ENTHD1: variants seen among roughly 807,000 people sequenced by gnomAD.
ENTHD1 encodes ENTH domain-containing protein 1.
ENTHD1 carries 23 observed loss-of-function variants against 39.1 expected under a neutral mutation model. The ratio of observed to expected loss-of-function variants is 0.59; its 90% CI spans 0.42 to 0.83. The LOEUF (loss-of-function observed/expected upper bound fraction) is 0.83, where lower values mean the gene tolerates loss of function less well. Ranked by LOEUF, ENTHD1 falls within the 40% of genes least tolerant of loss-of-function variation. The pLI is 0.00. For synonymous variants in ENTHD1, 230 were observed against 258.2 expected, an observed-to-expected ratio of 0.89 and a Z score of 1.05; for missense variants, 624 against 705.4, an observed-to-expected ratio of 0.88 and a Z score of 1.31.
chr22:39,799,549 C>T (rs1466651196), intron 5 of ENTHD1, among the ~76,000 whole-genome samples: 2 of 152,174 alleles, frequency 1.3e-5, no homozygotes, highest in Non-Finnish European at 2.9e-5. Context: ...GTCCTGCACG[C>T]AGGTTTTCCA....
chr22:39,889,993 G>A (rs1206784649), intron 1 of ENTHD1, among the ~76,000 whole-genome samples: 1 of 151,970 alleles, frequency 6.6e-6, no homozygotes, highest in Non-Finnish European at 1.5e-5. Context: ...AGCTACTTGG[G>A]AGACTGAGGC....
chr22:39,884,403 CT>C (rs1456276016), intron 2 of ENTHD1, among the ~76,000 whole-genome samples: 1 of 152,098 alleles, frequency 6.6e-6, no homozygotes, highest in African/African-American at 2.4e-5. Context: ...TGGTCTTGAC[CT>C]CCTGGCCTCA....
intron 4 of ENTHD1, among the ~76,000 whole-genome samples, chr22:39,832,896 C>G (rs920800780): frequency 1.3e-5 from 2 of 152,208 alleles, no homozygotes; most frequent in African/African-American, 4.8e-5. Flanking sequence ...CATAATGACA[C>G]TCCATTTGCT....
chr22:39,783,621 G>A (rs1249964580), intron 5 of ENTHD1, among the ~76,000 whole-genome samples: 1 of 150,096 alleles, frequency 6.7e-6, no homozygotes, highest in Non-Finnish European at 1.5e-5. Context: ...ATCTTTGGCT[G>A]TAAAAGGTGC....
chr22:39,835,763 G>T, intron 4 of ENTHD1, 77 bp downstream of exon 4: 1 of 1,016,998 alleles, frequency 9.8e-7, no homozygotes, highest in South Asian at 1.7e-5. Flanking sequence ...ACCTACAGAA[G>T]ATAATAAATT....
At chr22:39,752,167 A>G (rs2065153020) in intron 6 of ENTHD1, among the ~76,000 whole-genome samples, 1 of 152,132 alleles carries the variant, frequency 6.6e-6, no homozygotes, top group Non-Finnish European at 1.5e-5. Context: ...ACTATATACT[A>G]TATTCTATTT....
intron 3 of ENTHD1, among the ~76,000 whole-genome samples, chr22:39,852,204 G>T (rs576644362): frequency 1.3e-5 from 2 of 151,848 alleles, no homozygotes; most frequent in South Asian, 4.2e-4. Flanking sequence ...AAATTTAGCC[G>T]GTGTGGTGGC....
chr22:39,792,605 G>A (rs927483426), intron 5 of ENTHD1, among the ~76,000 whole-genome samples: 3 of 151,994 alleles, frequency 2.0e-5, no homozygotes, highest in East Asian at 1.9e-4. Context: ...AGCTGGGTGC[G>A]GTGGCTCATG....
intron 2 of ENTHD1, among the ~76,000 whole-genome samples, chr22:39,871,652 CAATA>C (rs1282532719): frequency 1.3e-5 from 2 of 152,084 alleles, no homozygotes; most frequent in African/African-American, 4.8e-5. Flanking sequence ...CATCTGAGTA[CAATA>C]AATAAAGAGC....
intron 1 of ENTHD1, among the ~76,000 whole-genome samples, chr22:39,892,850 T>C (rs1054088584): frequency 1.3e-5 from 2 of 152,226 alleles, no homozygotes; most frequent in African/African-American, 4.8e-5. Context: ...AAAATGGTTA[T>C]AGAGACTACC....
chr22:39,747,021 G>T (rs771778585), intron 6 of ENTHD1, among the ~76,000 whole-genome samples: 1 of 152,064 alleles, frequency 6.6e-6, no homozygotes, highest in Non-Finnish European at 1.5e-5. Context: ...ACAGGACCTT[G>T]CTCTGTCACC....
rs58417706 is a variant in ENTHD1 at position 39,859,242 on chromosome 22, T to C, written c.592+2523A>G. On this transcript the variant is annotated intron_variant, in intron 3 of 6. Coordinates refer to ENST00000325157, the MANE Select transcript of ENTHD1 (RefSeq NM_152512.4). Reference sequence around the variant, plus strand: ...AAGTGATAATGGGGCTAGTTGGATCTTCTATCCAGACCATGCAACCTTTCT... The same window carrying C: ...AAGTGATAATGGGGCTAGTTGGATCCTCTATCCAGACCATGCAACCTTTCT... 7.7e-3 allele frequency among the ~76,000 whole-genome samples: 1,176 copies of C among 152,318 alleles called. 16 individuals are homozygous for C. Among genetic ancestry groups the C allele is most frequent in the African/African-American group, 0.027 (1,129 of 41,580 alleles).
At chr22:39,775,772 C>T (rs1422213002) in intron 5 of ENTHD1, among the ~76,000 whole-genome samples, 1 of 152,152 alleles carries the variant, frequency 6.6e-6, no homozygotes, top group Non-Finnish European at 1.5e-5. Context: ...CTTGCCTTCT[C>T]CCAGGAAGAT....
intron 5 of ENTHD1, among the ~76,000 whole-genome samples, chr22:39,776,054 A>ATT (rs112208046): frequency 6.8e-6 from 1 of 146,430 alleles, no homozygotes; most frequent in Non-Finnish European, 1.5e-5. Context: ...CATCTGGTTA[A>ATT]TTTTTTTTTT....
At chr22:39,855,659 C>G (rs2066079173) in intron 3 of ENTHD1, among the ~76,000 whole-genome samples, 1 of 151,802 alleles carries the variant, frequency 6.6e-6, no homozygotes, top group Non-Finnish European at 1.5e-5. Flanking sequence ...CTTCCTTTCT[C>G]CTGGCTAGAA....
chr22:39,796,608 TA>T (rs2065552202), intron 5 of ENTHD1, among the ~76,000 whole-genome samples: 1 of 152,216 alleles, frequency 6.6e-6, no homozygotes, highest in African/African-American at 2.4e-5. Flanking sequence ...AGGAAAGTTT[TA>T]AACTTCCTTC....
In ENTHD1 at chr22:39,887,869, ATAAT is replaced by A. The variant is rs1316625301; in HGVS notation, c.-125_-122del. ...CCAGTTCTGCTGCTCCCAAATACAA[ATAAT>A]TAATCTCTATGTTGATAAAGTATCA... On this transcript the variant is annotated 5_prime_UTR_variant, in exon 2 of 7. Transcript: ENST00000325157. 5 of 643,160 alleles carry A rather than the reference ATAAT, an allele frequency of 7.8e-6. No individual in the cohort carries two copies. The Admixed American group carries it at 1.0e-4, about 13-fold the overall frequency. 39.8% of individuals were successfully genotyped at this position (643,160 alleles called of 1,614,324 possible).
chr22:39,875,775 G>A (rs2066284195), intron 2 of ENTHD1: 3 of 1,613,222 alleles, frequency 1.9e-6, no homozygotes, highest in African/African-American at 2.7e-5. Flanking sequence ...ATTCCAGAAG[G>A]CAAGAACATG....
At position 39,835,820 on chromosome 22, in the gene ENTHD1, A is replaced by G; in HGVS notation, c.711+20T>C. 2 of 1,536,006 alleles carry G rather than the reference A, an allele frequency of 1.3e-6. No individual in the cohort carries two copies. Among genetic ancestry groups the G allele is most frequent in the Non-Finnish European group, 1.8e-6 (2 of 1,116,378 alleles). On this transcript the variant is annotated intron_variant, in intron 4 of 6. Coordinates refer to ENST00000325157, the MANE Select transcript of ENTHD1 (RefSeq NM_152512.4). ...CTTGCAGTGATTTATTACAGCAGCT[A>G]TAGGAAACTATAGACTTACCTCTGT...
Sources: allele counts gnomAD v4.1 joint callset (sites outside exome capture counted in the v4.1 genomes callset), GRCh38; gene constraint gnomAD v4.1.1; transcripts MANE v1.5; gene names NCBI Gene and HGNC (gene_info 2026-07-23, HGNC 2026-07-21).